The following SLC14A2 variants were observed in gnomAD, a reference collection of about 807,000 sequenced individuals.
SLC14A2 encodes solute carrier family 14 member 2.
In SLC14A2, 91 loss-of-function variants were observed where a neutral mutation model predicts 104.6. That is an observed-to-expected ratio of 0.87 (90% CI 0.73 to 1.04). SLC14A2 has a LOEUF of 1.04. Ranked by LOEUF, SLC14A2 falls within the 50% of genes least tolerant of loss-of-function variation. SLC14A2 has a pLI of 0.00. For missense variants in SLC14A2, 1,189 were observed against 1,156.0 expected, an observed-to-expected ratio of 1.03 and a Z score of -0.41; for synonymous variants, 476 against 466.4, an observed-to-expected ratio of 1.02 and a Z score of -0.27.
Position 45,491,252 on chromosome 18 carries a change from G to GA in SLC14A2, c.-35+7930_-35+7931insA, listed in dbSNP as rs1351528105. Reference sequence around the variant, plus strand: ...GGGAAAACACTGTACAGGCACAGCAGTGAGTTCCCGTGAGCTAGATGCAGG... The same window carrying GA: ...GGGAAAACACTGTACAGGCACAGCAGATGAGTTCCCGTGAGCTAGATGCAGG... On this transcript the variant is annotated intron_variant, in intron 2 of 20. Transcript: ENST00000586448. Among the ~76,000 whole-genome samples the GA allele has an allele frequency of 3.4e-4, 52 of 152,324 alleles. 1 individual carries two copies. Among genetic ancestry groups the GA allele is most frequent in the Non-Finnish European group, 6.3e-4 (43 of 68,030 alleles).
the SLC14A2 span, among the ~76,000 whole-genome samples, chr18:45,175,831 AG>A: frequency 6.6e-6 from 1 of 152,184 alleles, no homozygotes; most frequent in East Asian, 1.9e-4. Context: ...GTAAAACATA[AG>A]GGTCTTATCA....
chr18:45,588,881 A>C (rs540903611), intron 2 of SLC14A2, among the ~76,000 whole-genome samples: 1 of 152,246 alleles, frequency 6.6e-6, no homozygotes, highest in South Asian at 2.1e-4. Flanking sequence ...ACAGTCATGC[A>C]CAGTTTGAAG....
At chr18:45,479,080 A>C (rs2087444017) in intron 1 of SLC14A2, among the ~76,000 whole-genome samples, 1 of 152,164 alleles carries the variant, frequency 6.6e-6, no homozygotes, top group South Asian at 2.1e-4. Flanking sequence ...CTAGGTTGGA[A>C]CTTTACTGCT....
the SLC14A2 span, among the ~76,000 whole-genome samples, chr18:45,199,194 G>A: frequency 5.6e-3 from 847 of 152,220 alleles, 7 homozygotes; most frequent in African/African-American, 0.019. Context: ...TGTCTTCATT[G>A]CAATGTCCAT....
At chr18:45,445,778 A>G (rs982177641) in intron 1 of SLC14A2, among the ~76,000 whole-genome samples, 2 of 152,216 alleles carry the variant, frequency 1.3e-5, no homozygotes, top group African/African-American at 4.8e-5. Context: ...CAAGAGGCAG[A>G]TGAGGCCCTT....
At chr18:45,198,632 C>G in the SLC14A2 span, among the ~76,000 whole-genome samples, 12 of 151,970 alleles carry the variant, frequency 7.9e-5, no homozygotes. Flanking sequence ...GTATAATTTC[C>G]TCTCTTTGCT....
intron 2 of SLC14A2, among the ~76,000 whole-genome samples, chr18:45,594,061 T>C (rs1195969777): frequency 6.6e-6 from 1 of 152,148 alleles, no homozygotes; most frequent in Non-Finnish European, 1.5e-5. Flanking sequence ...TGCTGCTTAC[T>C]TTTTAAAAAT....
chr18:45,232,237 A>G (rs1458553260), intron 1 of SLC14A2, among the ~76,000 whole-genome samples: 1 of 152,196 alleles, frequency 6.6e-6, no homozygotes, highest in Non-Finnish European at 1.5e-5. Flanking sequence ...ACTTACAATT[A>G]TGGTGGAAGG....
At chr18:45,347,744 C>T (rs1222096969) in intron 1 of SLC14A2, among the ~76,000 whole-genome samples, 1 of 152,172 alleles carries the variant, frequency 6.6e-6, no homozygotes, top group Admixed American at 6.5e-5. Flanking sequence ...CTTTAGTCCC[C>T]ACTCACCAAC....
chr18:45,323,357 T>C lies in SLC14A2; in HGVS notation c.-125+110166T>C, dbSNP rs7244313. Among the ~76,000 whole-genome samples, 509 of 152,336 alleles carry C rather than the reference T, an allele frequency of 3.3e-3. 4 individuals are homozygous for C. The highest frequency in any genetic ancestry group is 0.012 in the African/African-American group (489 of 41,586). On this transcript the variant is annotated intron_variant, in intron 1 of 20. Coordinates refer to the SLC14A2 transcript ENST00000586448. ...GGCCTCTCCCAAGGAGCCACCATTG[T>C]GTTAAACATCATTCTTTAGAGTCTT...
At chr18:45,466,277 A>G (rs1218616151) in intron 1 of SLC14A2, among the ~76,000 whole-genome samples, 1 of 152,006 alleles carries the variant, frequency 6.6e-6, no homozygotes, top group African/African-American at 2.4e-5. Flanking sequence ...GTGTGGTAGA[A>G]AAGAAGGGGG....
intron 16 of SLC14A2, 82 bp downstream of exon 16, chr18:45,669,580 TC>T: frequency 9.0e-7 from 1 of 1,116,006 alleles, no homozygotes; most frequent in Non-Finnish European, 1.3e-6. Context: ...ATCAGAAACA[TC>T]CACAAGTAAT....
At chr18:45,557,289 T>C (rs184127611) in intron 2 of SLC14A2, among the ~76,000 whole-genome samples, 5 of 152,336 alleles carry the variant, frequency 3.3e-5, no homozygotes, top group African/African-American at 1.2e-4. Flanking sequence ...TCTCTAACTG[T>C]TTCTGCAATA....
chr18:45,566,765 G>A (rs555423514), intron 2 of SLC14A2, among the ~76,000 whole-genome samples: 12 of 152,280 alleles, frequency 7.9e-5, no homozygotes, highest in African/African-American at 2.6e-4. Flanking sequence ...ACATCTCCAC[G>A]AACAGGTAAC....
intron 2 of SLC14A2, among the ~76,000 whole-genome samples, chr18:45,538,929 CCTATTTAT>C (rs936197139): frequency 1.3e-5 from 2 of 149,690 alleles, no homozygotes; most frequent in African/African-American, 4.9e-5. Context: ...TTTCCTTTCC[CCTATTTAT>C]CTTGCATCCC....
intron 2 of SLC14A2, among the ~76,000 whole-genome samples, chr18:45,495,228 A>G (rs916946709): frequency 1.3e-5 from 2 of 152,244 alleles, no homozygotes; most frequent in Admixed American, 6.5e-5. Flanking sequence ...TAAAAGTAAC[A>G]ATAATAACAA....
chr18:45,335,341 A>G (rs557176462), intron 1 of SLC14A2, among the ~76,000 whole-genome samples: 1 of 152,326 alleles, frequency 6.6e-6, no homozygotes, highest in South Asian at 2.1e-4. Flanking sequence ...TTACTTAGCA[A>G]GATTACTTTG....
intron 18 of SLC14A2, among the ~76,000 whole-genome samples, chr18:45,677,158 C>G (rs2046240945): frequency 6.6e-6 from 1 of 152,230 alleles, no homozygotes; most frequent in African/African-American, 2.4e-5. Context: ...ACTCTGCAAG[C>G]CCTATAGCCA....
intron 1 of SLC14A2, chr18:45,438,116 A>C (rs754511701): frequency 3.3e-5 from 5 of 152,164 alleles, no homozygotes; most frequent in Non-Finnish European, 5.9e-5. Context: ...AAAAATAAAG[A>C]CTTTCAGTAA....
Sources: gnomAD v4.1 joint callset for allele counts (sites outside exome capture counted in the v4.1 genomes callset) on GRCh38, gnomAD v4.1.1 for gene constraint, MANE v1.5 for transcripts, NCBI Gene and HGNC (gene_info 2026-07-23, HGNC 2026-07-21) for gene names.